CHSY3: variants seen among roughly 807,000 people sequenced by gnomAD.
CHSY3 encodes chondroitin sulfate synthase 3, also known as N-acetylgalactosaminyl-proteoglycan 3-beta-glucuronosyltransferase 3.
CHSY3 carries 35 observed loss-of-function variants against 67.2 expected under a neutral mutation model. That is an observed-to-expected ratio of 0.52 (90% CI 0.40 to 0.69). CHSY3 has a LOEUF of 0.69. Among genes scored for constraint, CHSY3 ranks in the 30% least tolerant of loss-of-function variants. The pLI, the probability that CHSY3 is intolerant of heterozygous loss-of-function variation, is 0.00. For missense variants in CHSY3, 1,069 were observed against 1,138.5 expected (o/e 0.94, Z 0.88); for synonymous variants, 474 against 434.7 (o/e 1.09, Z -1.12).
At chr5:130,170,205 A>C (rs1251481275) in intron 2 of CHSY3, among the ~76,000 whole-genome samples, 1 of 152,004 alleles carries the variant, frequency 6.6e-6, no homozygotes, top group Admixed American at 6.6e-5. Flanking sequence ...CCCATTGTTT[A>C]GTTCTCACTT....
chr5:130,143,902 ATTGTATAC>A (rs1768994151), intron 2 of CHSY3, among the ~76,000 whole-genome samples: 1 of 142,074 alleles, frequency 7.0e-6, no homozygotes, highest in African/African-American at 2.6e-5. Flanking sequence ...AGTTGAATCA[ATTGTATAC>A]TTTTACTAAC....
intron 2 of CHSY3, among the ~76,000 whole-genome samples, chr5:129,951,190 G>A (rs1240316004): frequency 1.3e-5 from 2 of 152,082 alleles, no homozygotes; most frequent in African/African-American, 4.8e-5. Context: ...CTTATTCACA[G>A]GCAAAATAAA....
At chr5:130,056,389 TTC>T (rs1765533355) in intron 2 of CHSY3, among the ~76,000 whole-genome samples, 1 of 152,226 alleles carries the variant, frequency 6.6e-6, no homozygotes, top group Admixed American at 6.5e-5. Context: ...TTTAGAATTT[TTC>T]TTTCTCTTTT....
chr5:130,028,208 G>T (rs1266128375), intron 2 of CHSY3, among the ~76,000 whole-genome samples: 2 of 152,064 alleles, frequency 1.3e-5, no homozygotes, highest in African/African-American at 4.8e-5. Context: ...TCATTGCCAA[G>T]ACAATCCTAA....
At chr5:130,141,028 C>T in intron 2 of CHSY3, 1 of 314,450 alleles carries the variant, frequency 3.2e-6, no homozygotes, top group Non-Finnish European at 5.1e-6. Context: ...ATGATATTGT[C>T]CTGGTTCATG....
intron 2 of CHSY3, among the ~76,000 whole-genome samples, chr5:130,039,670 G>T (rs919589532): frequency 6.6e-6 from 1 of 152,014 alleles, no homozygotes; most frequent in East Asian, 1.9e-4. Flanking sequence ...TAGAGACTGG[G>T]TTTCACTATA....
At chr5:129,944,419 T>C (rs902994680) in intron 2 of CHSY3, among the ~76,000 whole-genome samples, 1 of 152,096 alleles carries the variant, frequency 6.6e-6, no homozygotes, top group Non-Finnish European at 1.5e-5. Flanking sequence ...AGTTGGAGTT[T>C]CGCTCTGTCA....
intron 2 of CHSY3, among the ~76,000 whole-genome samples, chr5:130,172,653 A>G (rs1307400352): frequency 6.6e-6 from 1 of 152,156 alleles, no homozygotes; most frequent in East Asian, 1.9e-4. Context: ...TTTGAAGTGT[A>G]CAATTCAGTA....
At chr5:130,035,901 T>C (rs896012733) in intron 2 of CHSY3, among the ~76,000 whole-genome samples, 3 of 148,580 alleles carry the variant, frequency 2.0e-5, no homozygotes, top group Non-Finnish European at 4.5e-5. Flanking sequence ...TTTTTTTTTT[T>C]TTTTTTTTTT....
intron 2 of CHSY3, chr5:130,114,480 C>T (rs1767714991): frequency 6.6e-6 from 1 of 151,944 alleles, no homozygotes; most frequent in Non-Finnish European, 1.5e-5. Context: ...CTGGTTAGTA[C>T]TTGGATGGGA....
intron 2 of CHSY3, among the ~76,000 whole-genome samples, chr5:130,099,923 T>C (rs796152478): frequency 3.3e-5 from 5 of 152,266 alleles, no homozygotes; most frequent in African/African-American, 1.2e-4. Flanking sequence ...CAGAGCCTAA[T>C]GTAATGAATG....
At chr5:130,090,810 G>A (rs1421819614) in intron 2 of CHSY3, among the ~76,000 whole-genome samples, 1 of 152,146 alleles carries the variant, frequency 6.6e-6, no homozygotes, top group Admixed American at 6.6e-5. Flanking sequence ...ATAATGTGAA[G>A]TGCCTCCTCT....
intron 2 of CHSY3, among the ~76,000 whole-genome samples, chr5:129,994,726 G>A (rs1223658155): frequency 6.6e-6 from 1 of 152,076 alleles, no homozygotes; most frequent in Non-Finnish European, 1.5e-5. Context: ...CATAAAAAAC[G>A]ATGAGTTCAT....
intron 2 of CHSY3, among the ~76,000 whole-genome samples, chr5:129,928,496 A>G (rs1280427005): frequency 6.6e-6 from 1 of 151,988 alleles, no homozygotes; most frequent in Non-Finnish European, 1.5e-5. Flanking sequence ...GCATCATTTT[A>G]ACACTTAAGG....
At chr5:130,090,430 C>G (rs116300510) in intron 2 of CHSY3, among the ~76,000 whole-genome samples, 9 of 152,280 alleles carry the variant, frequency 5.9e-5, no homozygotes, top group Non-Finnish European at 1.2e-4. Flanking sequence ...ACACTAGTCA[C>G]TTCTCCAGTC....
In CHSY3 at chr5:130,183,078, G is replaced by A. The variant is rs867799739; in HGVS notation, c.1087-1151G>A. Reference sequence around the variant, plus strand: ...TATATTTGCAGACATGGTGCTGCTGGCCTTTTTTCTTCTTTTTCACCTCCT... The same window carrying A: ...TATATTTGCAGACATGGTGCTGCTGACCTTTTTTCTTCTTTTTCACCTCCT... On this transcript the variant is annotated intron_variant, in intron 2 of 2. Transcript: ENST00000305031. 5.9e-5 allele frequency among the ~76,000 whole-genome samples: 9 copies of A among 151,494 alleles called. 1 individual carries two copies. In the Middle Eastern group the frequency reaches 0.024, roughly 401 times the overall value.
intron 2 of CHSY3, among the ~76,000 whole-genome samples, chr5:129,948,557 A>T (rs1169675855): frequency 4.6e-5 from 7 of 152,210 alleles, no homozygotes; most frequent in Non-Finnish European, 8.8e-5. Flanking sequence ...ATATGTTCAC[A>T]CACACCAAAA....
chr5:130,141,398 G>T, intron 2 of CHSY3: 1 of 371,524 alleles, frequency 2.7e-6, no homozygotes, highest in South Asian at 2.5e-5. Context: ...TGTCAAGTTT[G>T]AACTCACAGT....
At chr5:129,936,733 T>C (rs973262336) in intron 2 of CHSY3, among the ~76,000 whole-genome samples, 2 of 152,214 alleles carry the variant, frequency 1.3e-5, no homozygotes, top group Non-Finnish European at 2.9e-5. Context: ...CATGTAAGAA[T>C]GGGGTATAGA....
Sources: gnomAD v4.1 joint callset for allele counts (sites outside exome capture counted in the v4.1 genomes callset) on GRCh38, gnomAD v4.1.1 for gene constraint, MANE v1.5 for transcripts, NCBI Gene and HGNC (gene_info 2026-07-23, HGNC 2026-07-21) for gene names.